ADGRL2: variants seen among roughly 807,000 people sequenced by gnomAD.
The protein encoded by ADGRL2 is adhesion G protein-coupled receptor L2, also known as calcium-independent alpha-latrotoxin receptor 2.
In ADGRL2, 44 loss-of-function variants were observed where a neutral mutation model predicts 157.4. The ratio of observed to expected loss-of-function variants is 0.28; its 90% CI spans 0.22 to 0.36. The LOEUF is 0.36. Among genes scored for constraint, ADGRL2 ranks in the 10% least tolerant of loss-of-function variants. The pLI is 1.00. For missense variants in ADGRL2, 1,510 were observed against 1,768.9 expected (o/e 0.85, Z 2.63); for synonymous variants, 585 against 624.7 (o/e 0.94, Z 0.95).
chr1:81,977,101 C>T (rs531133822), intron 17 of ADGRL2, among the ~76,000 whole-genome samples: 1 of 151,814 alleles, frequency 6.6e-6, no homozygotes, highest in Non-Finnish European at 1.5e-5. Context: ...ATATTGAATC[C>T]CAGCCCTGAA....
At chr1:81,776,643 G>T (rs538338642) in intron 2 of ADGRL2, among the ~76,000 whole-genome samples, 1 of 152,234 alleles carries the variant, frequency 6.6e-6, no homozygotes, top group Admixed American at 6.5e-5. Context: ...GTGTTGCTTT[G>T]ATTCTTTGTT....
At chr1:81,634,332 C>T (rs2082073247) in intron 3 of ADGRL2, among the ~76,000 whole-genome samples, 2 of 152,002 alleles carry the variant, frequency 1.3e-5, no homozygotes, top group South Asian at 2.1e-4. Context: ...GTGATCTTTC[C>T]GAAGCTTAAT....
At chr1:81,982,730 T>C (rs1006977998) in intron 19 of ADGRL2, among the ~76,000 whole-genome samples, 14 of 152,110 alleles carry the variant, frequency 9.2e-5, no homozygotes, top group African/African-American at 3.4e-4. Context: ...GACGATAGTG[T>C]TGTTACTTCC....
intron 1 of ADGRL2, among the ~76,000 whole-genome samples, chr1:81,356,971 A>AAAAAAAAAAAAAAAAG (rs80327519): frequency 3.2e-4 from 32 of 99,386 alleles, no homozygotes; most frequent in East Asian, 8.6e-4. Context: ...AAAAAAAAAA[A>AAAAAAAAAAAAAAAAG]AAGAAGTTGT....
Position 81,990,575 on chromosome 1 carries a change from C to T in ADGRL2, c.3840C>T (p.Asn1280=). The T allele has an allele frequency of 3.7e-6, 6 of 1,614,096 alleles. No individual in the cohort carries two copies. Among genetic ancestry groups the T allele is most frequent in the African/African-American group, 1.3e-5 (1 of 75,016 alleles). The change falls in exon 24 of 24, where the codon AAC becomes AAT. Residue 1280 remains asparagine (N), a synonymous_variant. Transcript: ENST00000686636. ...EKMIISELVH[N]NLRGSSKTHN... ...TGATCATTTCAGAATTAGTGCACAA[C>T]AACTTACGGGGCAGCAGCAAGACTC...
chr1:81,778,452 T>G (rs199939188), intron 2 of ADGRL2, among the ~76,000 whole-genome samples: 9,885 of 152,248 alleles, frequency 0.065, 462 homozygotes, highest in African/African-American at 0.12. Flanking sequence ...TCTGATATAC[T>G]AGCTTTACTC....
chr1:81,581,312 C>T (rs2080901744), intron 3 of ADGRL2, among the ~76,000 whole-genome samples: 1 of 152,124 alleles, frequency 6.6e-6, no homozygotes, highest in Non-Finnish European at 1.5e-5. Flanking sequence ...TGTTTTCATC[C>T]TTCAAATCAA....
intron 1 of ADGRL2, among the ~76,000 whole-genome samples, chr1:81,759,665 T>C (rs2085805593): frequency 1.3e-5 from 2 of 152,226 alleles, no homozygotes; most frequent in African/African-American, 4.8e-5. Context: ...ACTTAATGCA[T>C]CATGCTTTTC....
rs547998051 is a variant in ADGRL2, at chr1:81,325,197, G to A, written c.-302+18688G>A. On this transcript the variant is annotated intron_variant, in intron 1 of 24. Coordinates refer to the ADGRL2 transcript ENST00000370721. ...CAGCCACAAATGTCAAGTTTACACA[G>A]AGGTGCACTTCAACCCAGTCCACGA... 3.9e-5 allele frequency among the ~76,000 whole-genome samples: 6 copies of A among 152,298 alleles called. No individual in the cohort carries two copies. In the South Asian group the frequency reaches 1.2e-3, roughly 32 times the overall value.
At chr1:81,558,179 A>G (rs2080357514) in intron 2 of ADGRL2, among the ~76,000 whole-genome samples, 1 of 152,222 alleles carries the variant, frequency 6.6e-6, no homozygotes, top group African/African-American at 2.4e-5. Context: ...AGTAAATACT[A>G]GAAATCTCAA....
chr1:81,775,054 C>T (rs1319927412), intron 2 of ADGRL2, among the ~76,000 whole-genome samples: 2 of 152,060 alleles, frequency 1.3e-5, no homozygotes, highest in African/African-American at 4.8e-5. Context: ...TGTGGCCTAA[C>T]ACTATTCATA....
At chr1:81,884,086 A>G (rs1035150457) in intron 2 of ADGRL2, among the ~76,000 whole-genome samples, 1 of 151,590 alleles carries the variant, frequency 6.6e-6, no homozygotes, top group African/African-American at 2.4e-5. Context: ...CCTGGGCTCA[A>G]GTGATCCTCC....
At chr1:81,824,720 G>A (rs1050983739) in intron 1 of ADGRL2, among the ~76,000 whole-genome samples, 3 of 152,156 alleles carry the variant, frequency 2.0e-5, no homozygotes, top group Non-Finnish European at 4.4e-5. Context: ...AGGCAGTAAG[G>A]TTGGCTTTAT....
intron 3 of ADGRL2, chr1:81,596,098 G>T: frequency 3.3e-6 from 1 of 303,686 alleles, no homozygotes; most frequent in South Asian, 2.5e-5. Context: ...GTGGGAACTA[G>T]GATCTTTTTT....
intron 2 of ADGRL2, among the ~76,000 whole-genome samples, chr1:81,578,642 C>G (rs908999078): frequency 6.6e-6 from 1 of 151,996 alleles, no homozygotes; most frequent in Non-Finnish European, 1.5e-5. Context: ...ACTCCAAGTT[C>G]TAAAATAATA....
intron 3 of ADGRL2, among the ~76,000 whole-genome samples, chr1:81,617,425 G>T (rs1003905765): frequency 6.6e-6 from 1 of 152,138 alleles, no homozygotes; most frequent in Non-Finnish European, 1.5e-5. Context: ...TAGTCTAGAC[G>T]ACTCTTGGAA....
chr1:81,635,592 G>T (rs961382089), intron 3 of ADGRL2, among the ~76,000 whole-genome samples: 1 of 152,186 alleles, frequency 6.6e-6, no homozygotes, highest in Non-Finnish European at 1.5e-5. Flanking sequence ...TTCACAGATG[G>T]CACCTTCTAG....
chr1:81,910,314 G>A (rs1405246563), intron 3 of ADGRL2, among the ~76,000 whole-genome samples: 7 of 150,948 alleles, frequency 4.6e-5, no homozygotes, highest in Non-Finnish European at 7.4e-5. Context: ...TAAAGTATAC[G>A]TATGTCCTAA....
intron 2 of ADGRL2, among the ~76,000 whole-genome samples, chr1:81,511,026 A>T (rs1202148971): frequency 6.6e-6 from 1 of 152,206 alleles, no homozygotes; most frequent in Non-Finnish European, 1.5e-5. Context: ...ATGTGAATGG[A>T]AAACAAAGAC....
Sources: allele counts gnomAD v4.1 joint callset (sites outside exome capture counted in the v4.1 genomes callset), GRCh38; gene constraint gnomAD v4.1.1; transcripts MANE v1.5; gene names NCBI Gene and HGNC (gene_info 2026-07-23, HGNC 2026-07-21).